Variants in RNF217 observed in about 807,000 individuals in gnomAD.
RNF217 encodes the protein E3 ubiquitin-protein ligase RNF217.
In RNF217, 31 loss-of-function variants were observed where a neutral mutation model predicts 57.8. The ratio of observed to expected loss-of-function variants is 0.54; its 90% CI spans 0.40 to 0.72. The LOEUF (loss-of-function observed/expected upper bound fraction) is 0.72. RNF217 is among the 30% of genes least tolerant of loss of function. The pLI is 0.00. For synonymous variants in RNF217, 313 were observed against 294.0 expected, an observed-to-expected ratio of 1.06 and a Z score of -0.66; for missense variants, 696 against 708.3, an observed-to-expected ratio of 0.98 and a Z score of 0.20.
At position 125,029,526 on chromosome 6, in the gene RNF217, GT is replaced by G. The variant is rs1786256910; in HGVS notation, c.883-15681del. Among the ~76,000 whole-genome samples, 9 of 152,268 alleles carry G rather than the reference GT, an allele frequency of 5.9e-5. No homozygotes were observed. In the South Asian group the frequency reaches 1.9e-3, roughly 32 times the overall value. ...GGTGGATGGTGCACAAAGATACTTTGTTTTGGCATGAAAAGGCTCCGTTGAA... is the reference window on the plus strand; with the variant it reads ...GGTGGATGGTGCACAAAGATACTTTGTTTGGCATGAAAAGGCTCCGTTGAA... On this transcript the variant is annotated intron_variant, in intron 1 of 5. Coordinates refer to ENST00000521654, the MANE Select transcript of RNF217 (RefSeq NM_001286398.3).
chr6:125,008,480 G>A (rs939085136), intron 1 of RNF217, among the ~76,000 whole-genome samples: 3 of 152,128 alleles, frequency 2.0e-5, no homozygotes, highest in Non-Finnish European at 2.9e-5. Context: ...TGCATACTGC[G>A]AGTTTGAATA....
chr6:125,090,324 A>G lies in RNF217; in HGVS notation c.*7387A>G, dbSNP rs1170275414. On this transcript the variant is annotated 3_prime_UTR_variant, in exon 6 of 6. Transcript: ENST00000521654. ...GACAGAAATGATTTTCTGTAGAAGG[A>G]ACACAACAGTGATGTTAAAATGTTA... 6.6e-6 allele frequency: 1 copy of G among 152,058 alleles called. No homozygotes were observed. Among genetic ancestry groups the G allele is most frequent in the Non-Finnish European group, 1.5e-5 (1 of 67,928 alleles). The allele number at this position is 152,058 out of a possible 1,614,324, so 9.4% of individuals were successfully genotyped here. A position where few individuals can be genotyped will look rare whatever the true frequency, so the allele number is the denominator to read the frequency against.
At chr6:125,062,300 A>G (rs1273721783) in intron 3 of RNF217, among the ~76,000 whole-genome samples, 1 of 152,130 alleles carries the variant, frequency 6.6e-6, no homozygotes, top group East Asian at 1.9e-4. Flanking sequence ...AATTTAATAC[A>G]TGATATAGTA....
rs1028424273 is a variant in RNF217, at chr6:125,038,860, T to C, written c.883-6351T>C. ...TTTAATTTTTAAGTTCTGTGATACA[T>C]ATGCAGGATGTGTAGGTTTGTTGCA... On this transcript the variant is annotated intron_variant, in intron 1 of 5. Transcript: ENST00000521654. 4.6e-5 allele frequency among the ~76,000 whole-genome samples: 7 copies of C among 152,266 alleles called. No individual in the cohort carries two copies. The East Asian group carries it at 1.4e-3, about 29-fold the overall frequency.
rs544904758 is a variant in RNF217, at chr6:125,066,327, G to A, written c.1281+8221G>A. ...CCTATCTGACACAGAGCAAAAGTTA[G>A]TTCTATGATGACCATAGAACCCGTC... On this transcript the variant is annotated intron_variant, in intron 3 of 5. Transcript: ENST00000521654. Among the ~76,000 whole-genome samples the A allele has an allele frequency of 2.6e-5, 4 of 152,266 alleles. No individual in the cohort carries two copies. In the South Asian group the frequency reaches 8.3e-4, roughly 32 times the overall value.
At chr6:125,021,770 G>C (rs1365986645) in intron 1 of RNF217, among the ~76,000 whole-genome samples, 3 of 152,124 alleles carry the variant, frequency 2.0e-5, no homozygotes, top group African/African-American at 7.2e-5. Context: ...TACAAACACA[G>C]GTGACCTTAC....
intron 2 of RNF217, chr6:125,048,115 C>A: frequency 1.0e-6 from 1 of 989,302 alleles, no homozygotes; most frequent in Non-Finnish European, 1.4e-6. Context: ...ACATTAACTA[C>A]CTGGTTTACA....
chr6:124,972,657 A>G lies in RNF217; in HGVS notation c.882+9231A>G, dbSNP rs188029522. On this transcript the variant is annotated intron_variant, in intron 1 of 5. Coordinates refer to ENST00000521654, the MANE Select transcript of RNF217 (RefSeq NM_001286398.3). ...CTCTGAATTATGAGCCTTTACCTTT[A>G]GTGATATGAAGTTCTGTCTTAGGGG... Among the ~76,000 whole-genome samples, 114 of 152,082 alleles carry G rather than the reference A, an allele frequency of 7.5e-4. 1 individual carries two copies. The highest frequency in any genetic ancestry group is 6.5e-3 in the Admixed American group (100 of 15,278).
intron 1 of RNF217, among the ~76,000 whole-genome samples, chr6:125,017,614 G>A (rs915161641): frequency 2.0e-5 from 3 of 152,216 alleles, no homozygotes; most frequent in Non-Finnish European, 2.9e-5. Context: ...TTGATACTAG[G>A]ATTATCTGTT....
intron 2 of RNF217, chr6:125,046,480 C>A: frequency 2.4e-6 from 1 of 423,962 alleles, no homozygotes; most frequent in South Asian, 1.7e-5. Flanking sequence ...CAGGCCCACC[C>A]CAGAACAATT....
At chr6:125,012,018 A>G (rs886684048) in intron 1 of RNF217, among the ~76,000 whole-genome samples, 1 of 152,114 alleles carries the variant, frequency 6.6e-6, no homozygotes, top group Non-Finnish European at 1.5e-5. Context: ...AAGGATACTC[A>G]TTGAACAAAT....
Position 125,090,806 on chromosome 6 carries a change from T to C in RNF217, c.*7869T>C, listed in dbSNP as rs1788916965. ...AAGAGATTTCATTGATTCTTTTTAATGATATTGGAAAATATTTATGCAATT... is the reference window on the plus strand; with the variant it reads ...AAGAGATTTCATTGATTCTTTTTAACGATATTGGAAAATATTTATGCAATT... On this transcript the variant is annotated 3_prime_UTR_variant, in exon 6 of 6. Coordinates refer to ENST00000521654, the MANE Select transcript of RNF217 (RefSeq NM_001286398.3). 1 of 151,984 alleles carries C rather than the reference T, an allele frequency of 6.6e-6. No individual in the cohort carries two copies. The highest frequency in any genetic ancestry group is 1.5e-5 in the Non-Finnish European group (1 of 67,892). The allele number at this position is 151,984 out of a possible 1,614,324, so 9.4% of individuals were successfully genotyped here.
intron 1 of RNF217, among the ~76,000 whole-genome samples, chr6:124,965,790 T>C (rs1783515151): frequency 6.6e-6 from 1 of 152,146 alleles, no homozygotes; most frequent in South Asian, 2.1e-4. Flanking sequence ...CTTTTAAAAA[T>C]TGAGCCTCAC....
chr6:125,029,857 C>T (rs149246798), intron 1 of RNF217, among the ~76,000 whole-genome samples: 30 of 152,220 alleles, frequency 2.0e-4, no homozygotes, highest in African/African-American at 4.8e-4. Flanking sequence ...GCTGAGATGA[C>T]GACAGCACTG....
At position 125,091,459 on chromosome 6, in the gene RNF217, C is replaced by T. The variant is rs1457857232; in HGVS notation, c.*8522C>T. The T allele has an allele frequency of 1.3e-5, 2 of 152,054 alleles. No individual in the cohort carries two copies. The highest frequency in any genetic ancestry group is 2.4e-5 in the African/African-American group (1 of 41,418). The allele number at this position is 152,054 out of a possible 1,614,324, so 9.4% of individuals were successfully genotyped here. ...GGATGTATATAGGCTGCGTTTGCTA[C>T]CTTAATCTACTGTATTATCTCTAAA... is the stretch of plus-strand genomic sequence containing the variant. On this transcript the variant is annotated 3_prime_UTR_variant, in exon 6 of 6. Transcript: ENST00000521654.
intron 1 of RNF217, among the ~76,000 whole-genome samples, chr6:124,965,442 G>T (rs1017218969): frequency 6.6e-6 from 1 of 152,036 alleles, no homozygotes; most frequent in East Asian, 1.9e-4. Context: ...GCATGGTGGC[G>T]CATGCCTGTA....
intron 1 of RNF217, among the ~76,000 whole-genome samples, chr6:125,014,482 A>G (rs1372859422): frequency 1.3e-5 from 2 of 152,178 alleles, no homozygotes; most frequent in African/African-American, 4.8e-5. Context: ...TATTTGGTAC[A>G]GCTATTGTTC....
chr6:125,081,750 A>C (rs1341112111), intron 5 of RNF217, among the ~76,000 whole-genome samples: 1 of 152,056 alleles, frequency 6.6e-6, no homozygotes, highest in Non-Finnish European at 1.5e-5. Flanking sequence ...AGCATTATTA[A>C]CCCTTTTATA....
intron 1 of RNF217, among the ~76,000 whole-genome samples, chr6:125,003,743 T>C (rs1020239254): frequency 6.6e-6 from 1 of 152,114 alleles, no homozygotes; most frequent in Non-Finnish European, 1.5e-5. Flanking sequence ...CAGGTAGTTA[T>C]AGCAAAGGAA....
Sources: gnomAD v4.1 joint callset for allele counts (sites outside exome capture counted in the v4.1 genomes callset) on GRCh38, gnomAD v4.1.1 for gene constraint, MANE v1.5 for transcripts, NCBI Gene and HGNC (gene_info 2026-07-23, HGNC 2026-07-21) for gene names.